LRP1B: variants seen among roughly 807,000 people sequenced by gnomAD.
LRP1B encodes low-density lipoprotein receptor-related protein 1B.
LRP1B carries 217 observed loss-of-function variants against 556.6 expected under a neutral mutation model. That is an observed-to-expected ratio of 0.39 (90% CI 0.35 to 0.44). The LOEUF (loss-of-function observed/expected upper bound fraction) is 0.44. LRP1B is among the 20% of genes least tolerant of loss of function. The probability of loss-of-function intolerance (pLI) is 1.00; values close to 1 mark genes in which losing one functional copy is unlikely to be tolerated. For synonymous variants in LRP1B, 2,047 were observed against 1,865.8 expected (o/e 1.10, Z -2.50); for missense variants, 5,053 against 5,620.8 (o/e 0.90, Z 3.23).
chr2:140,700,207 G>A, intron 41 of LRP1B, 43 bp downstream of exon 41: 2 of 1,503,242 alleles, frequency 1.3e-6, no homozygotes, highest in Non-Finnish European at 1.8e-6. Context: ...TAATCTAAAT[G>A]ATACTCATTT....
chr2:141,043,209 A>T (rs1473889675), intron 11 of LRP1B, among the ~76,000 whole-genome samples: 2 of 16,394 alleles, frequency 1.2e-4, no homozygotes, highest in Non-Finnish European at 2.5e-4. Flanking sequence ...TCTCAAAAAA[A>T]ATAAAATAAA....
At chr2:141,709,937 T>A (rs1231111219) in intron 2 of LRP1B, among the ~76,000 whole-genome samples, 2 of 152,094 alleles carry the variant, frequency 1.3e-5, no homozygotes, top group Non-Finnish European at 2.9e-5. Flanking sequence ...TGTTTCCTGA[T>A]TCATTGACAG....
intron 2 of LRP1B, among the ~76,000 whole-genome samples, chr2:141,562,031 A>G (rs542393608): frequency 9.9e-5 from 15 of 151,988 alleles, no homozygotes; most frequent in Non-Finnish European, 1.6e-4. Context: ...GAGGATATAA[A>G]TGTAAGTAAA....
Position 141,745,691 on chromosome 2 carries a change from T to A in LRP1B, c.205+64588A>T, listed in dbSNP as rs995432136. 5.3e-5 allele frequency among the ~76,000 whole-genome samples: 8 copies of A among 151,992 alleles called. No homozygotes were observed. In the East Asian group the frequency reaches 1.6e-3, roughly 30 times the overall value. ...CCCTCCCCAACTGTGGTTAATTTAG[T>A]AGCTAAGGTACAAGGCAAATACTGC... On this transcript the variant is annotated intron_variant, in intron 2 of 90. Coordinates refer to ENST00000389484, the MANE Select transcript of LRP1B (RefSeq NM_018557.3).
At chr2:141,775,651 A>C (rs6720157) in intron 2 of LRP1B, among the ~76,000 whole-genome samples, 65,724 of 151,926 alleles carry the variant, frequency 0.43, 15,569 homozygotes, top group Admixed American at 0.54. Context: ...AACAAATGGT[A>C]CTAGCATTAA....
intron 3 of LRP1B, among the ~76,000 whole-genome samples, chr2:141,365,221 GT>G (rs1380904575): frequency 7.5e-6 from 1 of 133,630 alleles, no homozygotes; most frequent in Non-Finnish European, 1.6e-5. Context: ...CATCTTTTTT[GT>G]TTGTTTGTTT....
intron 1 of LRP1B, among the ~76,000 whole-genome samples, chr2:142,049,591 C>CA (rs1415573196): frequency 6.6e-6 from 1 of 152,086 alleles, no homozygotes; most frequent in Non-Finnish European, 1.5e-5. Flanking sequence ...CTTCTGCTGA[C>CA]ATAGTCTTTC....
intron 49 of LRP1B, among the ~76,000 whole-genome samples, chr2:140,521,831 A>G (rs1050577931): frequency 6.6e-6 from 1 of 152,096 alleles, no homozygotes; most frequent in African/African-American, 2.4e-5. Flanking sequence ...AGAAAGATCT[A>G]TCATGCAAAT....
intron 71 of LRP1B, among the ~76,000 whole-genome samples, chr2:140,368,049 T>G: frequency 6.6e-6 from 1 of 151,862 alleles, no homozygotes; most frequent in East Asian, 2.0e-4. Context: ...AAAGACTTGA[T>G]GTTGTACTCC....
At chr2:141,810,520 T>A (rs1335732296) in intron 1 of LRP1B, 119 bp from the exon 2 acceptor site, 17 of 1,063,260 alleles carry the variant, frequency 1.6e-5, no homozygotes, top group Non-Finnish European at 2.3e-5. Context: ...TGATCCACAT[T>A]TTCTGTTCGG....
intron 7 of LRP1B, among the ~76,000 whole-genome samples, chr2:141,104,428 A>G (rs1479221549): frequency 6.6e-6 from 1 of 152,108 alleles, no homozygotes; most frequent in Admixed American, 6.6e-5. Flanking sequence ...TGGTGGAACT[A>G]TCAGTGCAAT....
chr2:141,855,750 G>A lies in LRP1B; in HGVS notation c.83-45349C>T, dbSNP rs182968774. ...GCAGATGACTCTCCTCCTCCCTTAC[G>A]CCACATCCAAACAAGTGAAGTCTGG... On this transcript the variant is annotated intron_variant, in intron 1 of 90. Coordinates refer to ENST00000389484, the MANE Select transcript of LRP1B (RefSeq NM_018557.3). 8.1e-3 allele frequency among the ~76,000 whole-genome samples: 1,224 copies of A among 152,022 alleles called. 8 individuals carry two copies. The highest frequency in any genetic ancestry group is 0.011 in the Non-Finnish European group (760 of 67,966).
chr2:141,821,755 T>C lies in LRP1B; in HGVS notation c.83-11354A>G, dbSNP rs752287993. On this transcript the variant is annotated intron_variant, in intron 1 of 90. Coordinates refer to ENST00000389484, the MANE Select transcript of LRP1B (RefSeq NM_018557.3). ...AATGTGTAATCATTCTATGCCTTAT[T>C]AAGCACCAAGTGTTTTTGGAGCTGC... 1.5e-3 allele frequency among the ~76,000 whole-genome samples: 231 copies of C among 152,292 alleles called. 1 individual carries two copies. The highest frequency in any genetic ancestry group is 2.5e-3 in the Non-Finnish European group (170 of 68,024).
At chr2:140,749,913 TATGTGAGTA>T (rs1218612925) in intron 35 of LRP1B, among the ~76,000 whole-genome samples, 1 of 152,168 alleles carries the variant, frequency 6.6e-6, no homozygotes, top group Non-Finnish European at 1.5e-5. Context: ...TCACCACAAA[TATGTGAGTA>T]ATGTCTTGCG....
chr2:141,802,020 A>T (rs1696022995), intron 2 of LRP1B, among the ~76,000 whole-genome samples: 1 of 152,136 alleles, frequency 6.6e-6, no homozygotes, highest in Admixed American at 6.6e-5. Context: ...CAAGATCAAG[A>T]AATCTACAAG....
chr2:141,042,092 G>A (rs757585702), intron 11 of LRP1B, among the ~76,000 whole-genome samples: 2 of 152,050 alleles, frequency 1.3e-5, no homozygotes, highest in Non-Finnish European at 2.9e-5. Context: ...ATGTTCCAAG[G>A]TTCTCTCACA....
At chr2:141,267,314 A>ATCT (rs1684926325) in intron 3 of LRP1B, among the ~76,000 whole-genome samples, 1 of 152,204 alleles carries the variant, frequency 6.6e-6, no homozygotes, top group African/African-American at 2.4e-5. Flanking sequence ...TTCTTAAACT[A>ATCT]TCTGAGCTTC....
At chr2:140,855,416 G>A (rs894528449) in intron 27 of LRP1B, among the ~76,000 whole-genome samples, 1 of 147,622 alleles carries the variant, frequency 6.8e-6, no homozygotes. Flanking sequence ...ACTTTGGGAG[G>A]CTGAAGTGGG....
chr2:141,810,123 A>AAGAAAGAAAGAG (rs1696299355), intron 2 of LRP1B, among the ~76,000 whole-genome samples, 156 bp downstream of exon 2: 1 of 109,176 alleles, frequency 9.2e-6, no homozygotes, highest in Non-Finnish European at 2.0e-5. Flanking sequence ...AAAAGAAAGA[A>AAGAAAGAAAGAG]AGAAAGAAAG....
Sources: allele counts gnomAD v4.1 joint callset (sites outside exome capture counted in the v4.1 genomes callset), GRCh38; gene constraint gnomAD v4.1.1; transcripts MANE v1.5; gene names NCBI Gene and HGNC (gene_info 2026-07-23, HGNC 2026-07-21).